The following ATXN1 variants were observed in gnomAD, a reference collection of about 807,000 sequenced individuals.
The protein encoded by ATXN1 is ataxin-1.
Under a neutral mutation model 56.4 loss-of-function variants are expected in ATXN1, and 8 were observed. That is an observed-to-expected ratio of 0.14 (90% CI 0.08 to 0.26). The LOEUF is 0.26. ATXN1 is among the 10% of genes least tolerant of loss of function. The pLI, the probability that ATXN1 is intolerant of heterozygous loss-of-function variation, is 1.00. For synonymous variants in ATXN1, 514 were observed against 494.6 expected (o/e 1.04, Z -0.52); for missense variants, 987 against 1,106.5 (o/e 0.89, Z 1.53).
At chr6:16,481,973 A>G (rs1394761564) in intron 6 of ATXN1, among the ~76,000 whole-genome samples, 2 of 152,170 alleles carry the variant, frequency 1.3e-5, no homozygotes, top group African/African-American at 2.4e-5. Flanking sequence ...TTTTAAAAAA[A>G]GTATTAGAAA....
rs80036911 is a variant in ATXN1, at chr6:16,472,744, C to T, written c.-161+13228G>A. Among the ~76,000 whole-genome samples the T allele has an allele frequency of 7.5e-3, 1,143 of 152,308 alleles. 8 individuals are homozygous for T. Among genetic ancestry groups the T allele is most frequent in the Non-Finnish European group, 0.011 (761 of 68,020 alleles). ...CATGCCCTGGGGTTTTTCAAACCCT[C>T]TCCTGTCTTTGAAAATGCATCCCAT... On this transcript the variant is annotated intron_variant, in intron 6 of 7. Transcript: ENST00000436367.
intron 2 of ATXN1, among the ~76,000 whole-genome samples, chr6:16,689,510 C>CTTTT (rs371753662): frequency 3.2e-5 from 4 of 126,856 alleles, no homozygotes; most frequent in South Asian, 2.5e-4. Flanking sequence ...CTTTTTTTTT[C>CTTTT]TTTTTTTTTT....
intron 6 of ATXN1, among the ~76,000 whole-genome samples, chr6:16,444,073 G>A (rs545453880): frequency 1.5e-4 from 23 of 150,278 alleles, no homozygotes; most frequent in South Asian, 6.3e-4. Context: ...CCGAGATTGC[G>A]CCACTGCATT....
chr6:16,383,016 C>T (rs906675191), intron 6 of ATXN1, among the ~76,000 whole-genome samples: 2 of 152,048 alleles, frequency 1.3e-5, no homozygotes, highest in Non-Finnish European at 2.9e-5. Context: ...TTTCCCAGGA[C>T]GATTGCTCTT....
chr6:16,683,016 A>G (rs1758846578), intron 2 of ATXN1, among the ~76,000 whole-genome samples: 1 of 152,242 alleles, frequency 6.6e-6, no homozygotes, highest in African/African-American at 2.4e-5. Context: ...TTGCTCTGGC[A>G]TAAAAAGCCT....
chr6:16,391,829 T>C (rs1046171128), intron 6 of ATXN1, among the ~76,000 whole-genome samples: 27 of 152,246 alleles, frequency 1.8e-4, no homozygotes, highest in African/African-American at 6.5e-4. Context: ...TCCCTTTCAG[T>C]CTTTTTATTT....
chr6:16,378,203 C>G (rs982415369), intron 6 of ATXN1, among the ~76,000 whole-genome samples: 11 of 152,192 alleles, frequency 7.2e-5, no homozygotes, highest in African/African-American at 2.7e-4. Context: ...TAACTCCTAC[C>G]CAGCAACTCA....
intron 2 of ATXN1, among the ~76,000 whole-genome samples, chr6:16,705,679 C>T (rs759759759): frequency 3.9e-5 from 6 of 152,176 alleles, no homozygotes; most frequent in Non-Finnish European, 8.8e-5. Context: ...CTCCAAACTC[C>T]ATGAGAACAA....
At chr6:16,656,316 C>T (rs1006802881) in intron 3 of ATXN1, among the ~76,000 whole-genome samples, 3 of 152,070 alleles carry the variant, frequency 2.0e-5, no homozygotes, top group Non-Finnish European at 2.9e-5. Flanking sequence ...ATTCATTGCA[C>T]TAGAGGGAAC....
chr6:16,695,080 GTGGCTCTTGGGCACCA>G (rs1323671625), intron 2 of ATXN1, among the ~76,000 whole-genome samples: 9 of 152,236 alleles, frequency 5.9e-5, no homozygotes, highest in East Asian at 1.9e-4. Flanking sequence ...CACTGAAGTG[GTGGCTCTTGGGCACCA>G]TGGCTCTTGG....
chr6:16,517,857 C>G (rs1458064072), intron 5 of ATXN1, among the ~76,000 whole-genome samples: 1 of 152,222 alleles, frequency 6.6e-6, no homozygotes, highest in Non-Finnish European at 1.5e-5. Context: ...GCTGAACTAG[C>G]TCCTACAGAC....
chr6:16,484,154 TGG>T lies in ATXN1; in HGVS notation c.-161+1816_-161+1817del, dbSNP rs1298786937. Among the ~76,000 whole-genome samples the T allele has an allele frequency of 4.6e-5, 7 of 152,266 alleles. No homozygotes were observed. The East Asian group carries it at 1.4e-3, about 29-fold the overall frequency. On this transcript the variant is annotated intron_variant, in intron 6 of 7. Transcript: ENST00000436367. ...TGCTTAATAAAAAGGTAGTATGGGC[TGG>T]GGATGGTGGCTCATGCCTGTAATCA...
At chr6:16,310,529 C>G (rs948451029) in intron 7 of ATXN1, among the ~76,000 whole-genome samples, 1 of 152,130 alleles carries the variant, frequency 6.6e-6, no homozygotes, top group Non-Finnish European at 1.5e-5. Flanking sequence ...GTCGCCCAGG[C>G]TGGAGTGCAG....
chr6:16,439,858 T>C (rs572768414), intron 6 of ATXN1, among the ~76,000 whole-genome samples: 1 of 151,344 alleles, frequency 6.6e-6, no homozygotes, highest in African/African-American at 2.4e-5. Context: ...GCAGATCATC[T>C]GAGGTCGGAA....
intron 6 of ATXN1, among the ~76,000 whole-genome samples, chr6:16,453,856 C>T (rs1161740906): frequency 6.6e-6 from 1 of 151,978 alleles, no homozygotes; most frequent in Non-Finnish European, 1.5e-5. Flanking sequence ...ATAATTAAAT[C>T]GAAGCTGGGC....
intron 6 of ATXN1, among the ~76,000 whole-genome samples, chr6:16,413,500 T>A (rs773892314): frequency 6.6e-6 from 1 of 152,194 alleles, no homozygotes; most frequent in Non-Finnish European, 1.5e-5. Flanking sequence ...AGGAACCCAA[T>A]CATTTCTGAA....
chr6:16,401,541 G>A (rs1758570129), intron 6 of ATXN1, among the ~76,000 whole-genome samples: 1 of 152,204 alleles, frequency 6.6e-6, no homozygotes, highest in Non-Finnish European at 1.5e-5. Context: ...CTGTGGCTAG[G>A]ACTTTTAGTT....
rs544121874 is a variant in ATXN1, at chr6:16,706,703, G to A, written c.-615+46530C>T. On this transcript the variant is annotated intron_variant, in intron 2 of 7. Transcript: ENST00000436367. ...TGCACCATTGCGCTCCAGCCTGGGC[G>A]ACAGAGCAAGACTCCATCTCAAAAA... Among the ~76,000 whole-genome samples the A allele has an allele frequency of 1.7e-4, 24 of 138,574 alleles. 1 individual carries two copies. The East Asian group carries it at 2.1e-3, about 12-fold the overall frequency. The allele number at this position is 138,574 out of a possible 152,430, so 90.9% of individuals were successfully genotyped here.
chr6:16,413,077 A>G (rs1758831371), intron 6 of ATXN1, among the ~76,000 whole-genome samples: 1 of 152,240 alleles, frequency 6.6e-6, no homozygotes, highest in African/African-American at 2.4e-5. Context: ...GTTAGAAATG[A>G]AGAAAGGGGA....
Sources: allele counts gnomAD v4.1 joint callset (sites outside exome capture counted in the v4.1 genomes callset), GRCh38; gene constraint gnomAD v4.1.1; transcripts MANE v1.5; gene names NCBI Gene and HGNC (gene_info 2026-07-23, HGNC 2026-07-21).